KIAA1549L: variants seen among roughly 807,000 people sequenced by gnomAD.
KIAA1549L encodes UPF0606 protein KIAA1549L.
A neutral mutation model predicts 160.7 loss-of-function variants in KIAA1549L; 88 were observed. That is an observed-to-expected ratio of 0.55 (90% CI 0.46 to 0.65). The LOEUF is 0.65. KIAA1549L is among the 30% of genes least tolerant of loss of function. The probability of loss-of-function intolerance (pLI) is 0.00; values close to 1 mark genes in which losing one functional copy is unlikely to be tolerated. For missense variants in KIAA1549L, 2,258 were observed against 2,437.5 expected, an observed-to-expected ratio of 0.93 and a Z score of 1.55; for synonymous variants, 950 against 976.7, an observed-to-expected ratio of 0.97 and a Z score of 0.51.
chr11:33,382,286 G>C (rs888279166), intron 1 of KIAA1549L, among the ~76,000 whole-genome samples: 2 of 152,136 alleles, frequency 1.3e-5, no homozygotes, highest in Non-Finnish European at 2.9e-5. Context: ...AGAGAAGAAA[G>C]CAATCAAGGA....
intron 15 of KIAA1549L, among the ~76,000 whole-genome samples, chr11:33,615,134 C>T (rs1320284062): frequency 6.6e-6 from 1 of 152,100 alleles, no homozygotes; most frequent in Non-Finnish European, 1.5e-5. Context: ...GGAGCCACCT[C>T]CCAAATAAAT....
intron 1 of KIAA1549L, among the ~76,000 whole-genome samples, chr11:33,418,635 A>G (rs1313110542): frequency 6.6e-6 from 1 of 152,104 alleles, no homozygotes; most frequent in African/African-American, 2.4e-5. Flanking sequence ...GGACCACAGG[A>G]GCCTAGGATT....
chr11:33,599,165 C>T (rs1216245809), intron 13 of KIAA1549L: 55 of 395,490 alleles, frequency 1.4e-4, no homozygotes, highest in Non-Finnish European at 2.3e-5. Context: ...TCCTCCGCCC[C>T]TGTTCTTATG....
At position 33,672,068 on chromosome 11, in the gene KIAA1549L, AAGAAT is replaced by A. The variant is rs1379935879; in HGVS notation, c.*3918_*3922del. The A allele has an allele frequency of 6.6e-6, 1 of 152,248 alleles. No individual in the cohort carries two copies. Among genetic ancestry groups the A allele is most frequent in the African/African-American group, 2.4e-5 (1 of 41,468 alleles). 9.4% of individuals were successfully genotyped at this position (152,248 alleles called of 1,614,324 possible). A position where few individuals can be genotyped will look rare whatever the true frequency, so the allele number is the denominator to read the frequency against. On this transcript the variant is annotated 3_prime_UTR_variant, in exon 21 of 21. Transcript: ENST00000658780. The stretch of plus-strand genomic sequence containing the variant: ...CACTTGAAGTGCAGGTGTTGGCTGA[AAGAAT>A]AGAGGGACATTTCACAAACACAGAA...
intron 6 of KIAA1549L, among the ~76,000 whole-genome samples, chr11:33,555,111 AATTTTT>A (rs1455940239): frequency 6.1e-5 from 1 of 16,386 alleles, no homozygotes; most frequent in African/African-American, 2.1e-3. Flanking sequence ...TTTCTTACCT[AATTTTT>A]CTTACAATTT....
At chr11:33,535,672 C>G (rs900322603) in intron 1 of KIAA1549L, among the ~76,000 whole-genome samples, 4 of 151,812 alleles carry the variant, frequency 2.6e-5, no homozygotes, top group African/African-American at 9.7e-5. Context: ...ACCCTGTCCC[C>G]CCTCCAAAAA....
At chr11:33,377,245 G>A (rs1194674859) in intron 1 of KIAA1549L, among the ~76,000 whole-genome samples, 1 of 152,190 alleles carries the variant, frequency 6.6e-6, no homozygotes, top group African/African-American at 2.4e-5. Context: ...TCTCTGTTGA[G>A]TGTCCACTTT....
intron 1 of KIAA1549L, among the ~76,000 whole-genome samples, chr11:33,449,645 T>G (rs1159125253): frequency 1.3e-5 from 2 of 152,096 alleles, no homozygotes; most frequent in African/African-American, 2.4e-5. Context: ...TTTCAGTGGG[T>G]GCTTTTGAAA....
chr11:33,561,702 T>C lies in KIAA1549L; in HGVS notation c.4045T>C (p.Ser1349Pro). Residue 1349 changes from serine to proline, a missense_variant, in exon 8 of 21, where the codon TCA becomes CCA. By Grantham distance (74) the Ser-to-Pro change is moderately conservative. Around this residue, in one of 6 missense-constraint regions of KIAA1549L, gnomAD observed 1,359 missense variants for 1,546.6 expected, o/e 0.88. Transcript: ENST00000658780. ...ACTGGAATATCCCAACCTTGACATA[T>C]CAGAAACAACCAGAGACTATTGGGT... is the stretch of plus-strand genomic sequence containing the variant. Reference protein sequence around the residue: ...EPLEYPNLDISETTRDYWVIT... With the variant: ...EPLEYPNLDIPETTRDYWVIT... 1.2e-6 allele frequency: 2 copies of C among 1,609,926 alleles called. No homozygotes were observed. The highest frequency in any genetic ancestry group is 8.5e-7 in the Non-Finnish European group (1 of 1,176,268).
chr11:33,538,450 A>T (rs1853941978), intron 1 of KIAA1549L, among the ~76,000 whole-genome samples: 1 of 152,168 alleles, frequency 6.6e-6, no homozygotes, highest in South Asian at 2.1e-4. Flanking sequence ...CTCCAAAAAG[A>T]TCATGTACTA....
intron 1 of KIAA1549L, among the ~76,000 whole-genome samples, chr11:33,394,859 G>A (rs1357940785): frequency 6.6e-6 from 1 of 152,256 alleles, no homozygotes; most frequent in Non-Finnish European, 1.5e-5. Context: ...AGGCTGCCCT[G>A]CTTGTCTGCG....
Position 33,593,467 on chromosome 11 carries a change from A to G in KIAA1549L, c.4751+2046A>G, listed in dbSNP as rs72638190. Among the ~76,000 whole-genome samples, 1,642 of 152,220 alleles carry G rather than the reference A, an allele frequency of 0.011. 73 individuals carry two copies. In the East Asian group the frequency reaches 0.16, roughly 15 times the overall value. On this transcript the variant is annotated intron_variant, in intron 12 of 20. Transcript: ENST00000658780. ...ATAAAATATAATTAAAATAAATACA[A>G]CAGACTCACTTTGGCTGCTGTGTGG...
chr11:33,452,985 A>G (rs1851751668), intron 1 of KIAA1549L, among the ~76,000 whole-genome samples: 1 of 152,216 alleles, frequency 6.6e-6, no homozygotes, highest in East Asian at 1.9e-4. Context: ...CATGGCCAGA[A>G]TTGACTCATG....
intron 9 of KIAA1549L, among the ~76,000 whole-genome samples, chr11:33,573,878 A>G (rs1422230274): frequency 6.6e-6 from 1 of 152,204 alleles, no homozygotes; most frequent in African/African-American, 2.4e-5. Context: ...AACAGTCTAA[A>G]TGCTTAATAA....
At chr11:33,650,315 G>A (rs919362181) in intron 17 of KIAA1549L, among the ~76,000 whole-genome samples, 4 of 152,232 alleles carry the variant, frequency 2.6e-5, no homozygotes, top group Non-Finnish European at 4.4e-5. Flanking sequence ...GGTACAGCAA[G>A]GCTGTGTGAG....
At chr11:33,507,562 T>G (rs566122931) in intron 1 of KIAA1549L, among the ~76,000 whole-genome samples, 1 of 152,264 alleles carries the variant, frequency 6.6e-6, no homozygotes, top group South Asian at 2.1e-4. Context: ...GCATAGACAG[T>G]AAGCTGTCTG....
At chr11:33,468,328 C>T (rs1852104166) in intron 1 of KIAA1549L, among the ~76,000 whole-genome samples, 2 of 152,102 alleles carry the variant, frequency 1.3e-5, no homozygotes, top group South Asian at 4.2e-4. Flanking sequence ...CAGAGCAGCT[C>T]CAGTTATCTC....
chr11:33,645,267 A>G (rs1451613242), intron 16 of KIAA1549L, among the ~76,000 whole-genome samples: 3 of 152,054 alleles, frequency 2.0e-5, no homozygotes, highest in African/African-American at 7.3e-5. Context: ...TGGACACAGG[A>G]CCATTTAGGG....
rs373759644 is a variant in KIAA1549L at position 33,632,783 on chromosome 11, G to T, written c.5410-12903G>T. Among the ~76,000 whole-genome samples, 273 of 151,620 alleles carry T rather than the reference G, an allele frequency of 1.8e-3. 1 individual carries two copies. The highest frequency in any genetic ancestry group is 6.8e-3 in the Middle Eastern group (2 of 294). The stretch of plus-strand genomic sequence containing the variant: ...TATTTATTTATTTTTGTAGAAATGG[G>T]GTCTCCCTATGTTGCCCATAGAGGC... On this transcript the variant is annotated intron_variant, in intron 16 of 20. Transcript: ENST00000658780.
Sources: allele counts gnomAD v4.1 joint callset (sites outside exome capture counted in the v4.1 genomes callset), GRCh38; gene constraint gnomAD v4.1.1; regional missense constraint gnomAD v4.1.1; transcripts MANE v1.5; gene names NCBI Gene and HGNC (gene_info 2026-07-23, HGNC 2026-07-21).